Variants in MAGOHB observed in about 807,000 individuals in gnomAD.
The protein encoded by MAGOHB is mago homolog B, exon junction complex subunit, also known as protein mago nashi homolog 2.
MAGOHB carries 15 observed loss-of-function variants against 20.9 expected under a neutral mutation model. That is an observed-to-expected ratio of 0.72 (90% CI 0.48 to 1.11). The LOEUF (loss-of-function observed/expected upper bound fraction) is 1.11, where lower values mean the gene tolerates loss of function less well. MAGOHB is among the 50% of genes least tolerant of loss of function. The pLI, the probability that MAGOHB is intolerant of heterozygous loss-of-function variation, is 0.00. For synonymous variants in MAGOHB, 50 were observed against 57.9 expected, an observed-to-expected ratio of 0.86 and a Z score of 0.62; for missense variants, 162 against 177.6, an observed-to-expected ratio of 0.91 and a Z score of 0.50.
At chr12:10,602,483 A>G (rs1388016324), downstream of MAGOHB, among the ~76,000 whole-genome samples, 2 of 152,236 alleles carry the variant, frequency 1.3e-5, no homozygotes, top group Non-Finnish European at 2.9e-5. Context: ...GCACCAGAAG[A>G]TAACAGTAAC....
intron 3 of MAGOHB, chr12:10,609,601 T>C (rs1865686736): frequency 3.8e-6 from 2 of 526,792 alleles, no homozygotes; most frequent in African/African-American, 3.8e-5. Flanking sequence ...TTGGCTGGGG[T>C]GACTACAGAG....
intron 1 of MAGOHB, among the ~76,000 whole-genome samples, chr12:10,612,246 A>ATAACATAACAT (rs1555146634): frequency 6.5e-5 from 9 of 137,880 alleles, no homozygotes; most frequent in Admixed American, 5.1e-4. Context: ...ATAACATAAC[A>ATAACATAACAT]TAATTAGCTG....
rs1865622892 is a variant in MAGOHB at position 10,606,006 on chromosome 12, C to T, written c.*269G>A. 3 of 212,416 alleles carry T rather than the reference C, an allele frequency of 1.4e-5. No individual in the cohort carries two copies. The South Asian group carries it at 5.1e-4, about 36-fold the overall frequency. 13.2% of individuals were successfully genotyped at this position (212,416 alleles called of 1,614,324 possible). A position where few individuals can be genotyped will look rare whatever the true frequency, so the allele number is the denominator to read the frequency against. The stretch of plus-strand genomic sequence containing the variant: ...CTCCTGGAAAAAACAAAAAACTACT[C>T]TGCAACCAGGATTTGGTATGTTTTA... On this transcript the variant is annotated 3_prime_UTR_variant, in exon 5 of 5. Coordinates refer to ENST00000320756, the MANE Select transcript of MAGOHB (RefSeq NM_018048.5).
At chr12:10,607,786 C>CT (rs1865655655) in intron 4 of MAGOHB, 68 bp downstream of exon 4, 5 of 842,958 alleles carry the variant, frequency 5.9e-6, no homozygotes, top group Non-Finnish European at 9.6e-6. Flanking sequence ...GGCTAGCAAA[C>CT]TGACTATAGT....
At chr12:10,613,389 T>G in intron 1 of MAGOHB, 50 bp downstream of exon 1, 2 of 1,537,982 alleles carry the variant, frequency 1.3e-6, no homozygotes. Flanking sequence ...ACCCGGCCTC[T>G]CGGTCTCGCT....
chr12:10,609,744 T>G, intron 3 of MAGOHB, 87 bp downstream of exon 3: 1 of 826,698 alleles, frequency 1.2e-6, no homozygotes, highest in Non-Finnish European at 1.9e-6. Context: ...AGAATCAACT[T>G]AGACTCATTC....
chr12:10,609,162 A>G (rs962547031), intron 3 of MAGOHB: 1 of 201,974 alleles, frequency 5.0e-6, no homozygotes, highest in Middle Eastern at 5.9e-4. Context: ...GAGTGTCAGC[A>G]TGTGTTAGAT....
intron 4 of MAGOHB, among the ~76,000 whole-genome samples, chr12:10,606,702 T>G (rs1865636218): frequency 6.6e-6 from 1 of 152,044 alleles, no homozygotes; most frequent in African/African-American, 2.4e-5. Context: ...ATTTTGATGT[T>G]TCTCTATTTT....
chr12:10,612,853 T>C (rs981984506), intron 1 of MAGOHB: 2 of 1,289,062 alleles, frequency 1.6e-6, no homozygotes, highest in Non-Finnish European at 2.0e-6. Context: ...GTCTGTTTTT[T>C]TCTCTCAAAG....
rs1318618775 is a variant in MAGOHB, at chr12:10,604,498, A to T, written c.*1777T>A. 2.6e-5 allele frequency: 4 copies of T among 152,162 alleles called. No homozygotes were observed. Among genetic ancestry groups the T allele is most frequent in the Non-Finnish European group, 5.9e-5 (4 of 68,034 alleles). 9.4% of individuals were successfully genotyped at this position (152,162 alleles called of 1,614,324 possible). On this transcript the variant is annotated 3_prime_UTR_variant, in exon 5 of 5. Coordinates refer to ENST00000320756, the MANE Select transcript of MAGOHB (RefSeq NM_018048.5). ...AGAGAACGGGGACAAAGACTTAAAG[A>T]TTTTTCAACGTAAGCACTATTTCTC...
At chr12:10,609,320 TTCTTTTTA>T in intron 3 of MAGOHB, 1 of 408,582 alleles carries the variant, frequency 2.4e-6, no homozygotes, top group Non-Finnish European at 4.8e-6. Flanking sequence ...AAACCAAACT[TTCTTTTTA>T]CAGAGTGAAA....
rs558213518 is a variant in MAGOHB, at chr12:10,608,183, G to A, written c.265-247C>T. 3.5e-5 allele frequency: 11 copies of A among 311,124 alleles called. No individual in the cohort carries two copies. In the South Asian group the frequency reaches 8.6e-4, roughly 24 times the overall value. The allele number at this position is 311,124 out of a possible 1,614,324, so 19.3% of individuals were successfully genotyped here. On this transcript the variant is annotated intron_variant, in intron 3 of 4. Coordinates refer to ENST00000320756, the MANE Select transcript of MAGOHB (RefSeq NM_018048.5). The stretch of plus-strand genomic sequence containing the variant: ...AATTGCTTTCCAGAGACATAAAGAA[G>A]ACACTATGAAACAAAATGACAAAGA...
At chr12:10,607,829 C>G (rs376809682) in intron 4 of MAGOHB, 25 bp downstream of exon 4, 6 of 1,391,174 alleles carry the variant, frequency 4.3e-6, no homozygotes, top group African/African-American at 1.5e-5. Flanking sequence ...ATGAAAACTT[C>G]GCCAAAATGC....
In MAGOHB at chr12:10,613,538, T is replaced by C. The variant is rs774338035; in HGVS notation, c.-6A>G. 2 of 1,609,222 alleles carry C rather than the reference T, an allele frequency of 1.2e-6. No individual in the cohort carries two copies. Among genetic ancestry groups the C allele is most frequent in the South Asian group, 1.1e-5 (1 of 90,986 alleles). On this transcript the variant is annotated 5_prime_UTR_variant, in exon 1 of 5. Transcript: ENST00000320756. ...AAATCGCTAGCCACAGCCATTTTTG[T>C]ACCCGGGAAGCCCGCCGAAAACGCA... is the stretch of plus-strand genomic sequence containing the variant.
intron 1 of MAGOHB, 54 bp from the exon 2 acceptor site, chr12:10,610,734 TAAC>T: frequency 1.3e-6 from 2 of 1,492,314 alleles, no homozygotes; most frequent in Non-Finnish European, 1.8e-6. Context: ...CTAAAAAAAT[TAAC>T]ATCATATACA....
Position 10,604,418 on chromosome 12 carries a change from G to T in MAGOHB, c.*1857C>A, listed in dbSNP as rs1338889134. 6.6e-6 allele frequency: 1 copy of T among 152,190 alleles called. No homozygotes were observed. Among genetic ancestry groups the T allele is most frequent in the Non-Finnish European group, 1.5e-5 (1 of 68,018 alleles). 9.4% of individuals were successfully genotyped at this position (152,190 alleles called of 1,614,324 possible). On this transcript the variant is annotated 3_prime_UTR_variant, in exon 5 of 5. Coordinates refer to ENST00000320756, the MANE Select transcript of MAGOHB (RefSeq NM_018048.5). ...GTCTCCCATCTTGGTTTAAATATGA[G>T]AAATTCTAGTAGATAGTGGGGATAG...
At chr12:10,610,737 C>T in intron 1 of MAGOHB, 57 bp from the exon 2 acceptor site, 1 of 1,482,998 alleles carries the variant, frequency 6.7e-7, no homozygotes. Flanking sequence ...AAAAAATTAA[C>T]ATCATATACA....
rs748618251 is a variant in MAGOHB at position 10,613,509 on chromosome 12, G to A, written c.24C>T (p.Tyr8=). 1.2e-6 allele frequency: 2 copies of A among 1,613,790 alleles called. No individual in the cohort carries two copies. The highest frequency in any genetic ancestry group is 8.5e-7 in the Non-Finnish European group (1 of 1,179,702). Residue 8 remains tyrosine, a synonymous_variant, in exon 1 of 5, where the codon TAC becomes TAT. Transcript: ENST00000320756. ...CCTTGTGCCCTACGTAGTAGCGCAG[G>A]TAGAAATCGCTAGCCACAGCCATTT... MAVASDF[Y]LRYYVGHKGK... is the part of the protein sequence containing the mutation.
chr12:10,607,981 C>T lies in MAGOHB; in HGVS notation c.265-45G>A, dbSNP rs777443200. 11 of 1,175,654 alleles carry T rather than the reference C, an allele frequency of 9.4e-6. No individual in the cohort carries two copies. In the East Asian group the frequency reaches 2.7e-4, roughly 29 times the overall value. 72.8% of individuals were successfully genotyped at this position (1,175,654 alleles called of 1,614,324 possible). Reference sequence around the variant, plus strand: ...AATGTAGTTAATATAAAAATCTATCCCAGAGGTATCTGTATTCTTGCTACA... The same window carrying T: ...AATGTAGTTAATATAAAAATCTATCTCAGAGGTATCTGTATTCTTGCTACA... On this transcript the variant is annotated intron_variant, in intron 3 of 4. Coordinates refer to ENST00000320756, the MANE Select transcript of MAGOHB (RefSeq NM_018048.5).
Sources: gnomAD v4.1 joint callset for allele counts (sites outside exome capture counted in the v4.1 genomes callset) on GRCh38, gnomAD v4.1.1 for gene constraint, MANE v1.5 for transcripts, NCBI Gene and HGNC (gene_info 2026-07-23, HGNC 2026-07-21) for gene names.